Variants in OTOGL observed in about 807,000 individuals in gnomAD.
OTOGL encodes the protein otogelin like.
A neutral mutation model predicts 318.5 loss-of-function variants in OTOGL; 285 were observed. The observed-to-expected ratio is 0.89, with a 90% CI of 0.81 to 0.99. The LOEUF is 0.99. Ranked by LOEUF, OTOGL falls within the 50% of genes least tolerant of loss-of-function variation. The pLI is 0.00. For synonymous variants in OTOGL, 987 were observed against 936.5 expected, an observed-to-expected ratio of 1.05 and a Z score of -0.99; for missense variants, 2,899 against 2,845.6, an observed-to-expected ratio of 1.02 and a Z score of -0.43.
At chr12:80,171,502 C>A (rs1434599148) in intron 1 of OTOGL, among the ~76,000 whole-genome samples, 2 of 152,126 alleles carry the variant, frequency 1.3e-5, no homozygotes, top group African/African-American at 4.8e-5. Context: ...TGTTGGTATT[C>A]TTTTTGATTT....
chr12:80,323,886 A>G, intron 35 of OTOGL, 46 bp downstream of exon 35: 2 of 1,447,740 alleles, frequency 1.4e-6, no homozygotes, highest in African/African-American at 1.4e-5. Context: ...GCCTTAGCAA[A>G]TTCTGTTTTC....
intron 1 of OTOGL, among the ~76,000 whole-genome samples, chr12:80,155,783 C>T (rs1873075656): frequency 6.6e-6 from 1 of 152,156 alleles, no homozygotes; most frequent in South Asian, 2.1e-4. Context: ...ATTTTCTCAG[C>T]CTTTGGTAAC....
chr12:80,222,102 G>C lies in OTOGL; in HGVS notation c.346G>C (p.Gly116Arg). ...CTGTTTCTTTTCAGTCCCAAACATG[G>C]GCAACGGCAGAGATGGGATTTGTAA... ...GTRCQIIPNM[G>R]NGRDGICKTW... The change falls in exon 7 of 59, where the codon GGC becomes CGC. Residue 116 changes from glycine to arginine, a missense_variant. Gly to Arg is a moderately radical substitution (Grantham distance 125, BLOSUM62 -2). Around this residue, in one of 3 missense-constraint regions of OTOGL, gnomAD observed 2,607 missense variants for 2,524.9 expected, o/e 1.03. Coordinates refer to ENST00000547103, the MANE Select transcript of OTOGL (RefSeq NM_001378609.3). 6.3e-7 allele frequency: 1 copy of C among 1,597,728 alleles called. No individual in the cohort carries two copies. The highest frequency in any genetic ancestry group is 8.5e-7 in the Non-Finnish European group (1 of 1,178,884).
At chr12:80,270,694 T>C (rs12301923) in intron 23 of OTOGL, among the ~76,000 whole-genome samples, 20,967 of 152,040 alleles carry the variant, frequency 0.14, 1,902 homozygotes, top group African/African-American at 0.26. Context: ...CTAGTAGCAA[T>C]AAATTTAACA....
In OTOGL at chr12:80,352,392, A is replaced by T. The variant is rs1245431024; in HGVS notation, c.5363A>T (p.Asn1788Ile). ...CTTTCTGCATATGTGGCTCTGTGCA[A>T]CAAGTTTGATATCTGTATTCAGTGG... ...DALSAYVALC[N>I]KFDICIQWRT... is the part of the protein sequence containing the mutation. The change falls in exon 45 of 59, where the codon AAC becomes ATC. Residue 1788 changes from asparagine to isoleucine, a missense_variant. Physicochemically the swap from Asn to Ile is moderately radical, Grantham distance 149. Transcript: ENST00000547103. 1.9e-6 allele frequency: 3 copies of T among 1,612,432 alleles called. No individual in the cohort carries two copies.
At chr12:80,207,303 G>A (rs1876882830) in intron 1 of OTOGL, among the ~76,000 whole-genome samples, 1 of 152,138 alleles carries the variant, frequency 6.6e-6, no homozygotes. Flanking sequence ...CCAGGTTCAA[G>A]TGATTCTCCT....
intron 1 of OTOGL, among the ~76,000 whole-genome samples, chr12:80,142,324 T>C (rs1258638039): frequency 6.6e-6 from 1 of 152,142 alleles, no homozygotes; most frequent in Non-Finnish European, 1.5e-5. Flanking sequence ...GCGGTTATTG[T>C]ACTGGGTGGC....
intron 1 of OTOGL, among the ~76,000 whole-genome samples, chr12:80,160,770 A>G (rs956926638): frequency 1.8e-4 from 28 of 152,320 alleles, no homozygotes; most frequent in African/African-American, 6.3e-4. Flanking sequence ...TATATGAAAA[A>G]GATATTTGCA....
At chr12:80,109,914 A>G (rs974323739) in intron 1 of OTOGL, among the ~76,000 whole-genome samples, 1 of 152,140 alleles carries the variant, frequency 6.6e-6, no homozygotes, top group Non-Finnish European at 1.5e-5. Context: ...ATTCCCTTAC[A>G]CACTCTTATA....
intron 1 of OTOGL, among the ~76,000 whole-genome samples, chr12:80,147,461 A>G (rs1297172007): frequency 6.7e-6 from 1 of 150,184 alleles, no homozygotes; most frequent in Non-Finnish European, 1.5e-5. Flanking sequence ...TGCTGAGGAG[A>G]GCTTTACTTC....
In OTOGL at chr12:80,380,595, T is replaced by C. The variant is rs2138142763; in HGVS notation, c.*2547T>C. On this transcript the variant is annotated 3_prime_UTR_variant, in exon 59 of 59. Coordinates refer to ENST00000547103, the MANE Select transcript of OTOGL (RefSeq NM_001378609.3). ...AAATTCAATTTCTCACCTACCAGACTGGTAAAAAACCAGAAGTTTAATGAT... is the reference window on the plus strand; with the variant it reads ...AAATTCAATTTCTCACCTACCAGACCGGTAAAAAACCAGAAGTTTAATGAT... 1 of 40,514 alleles carries C rather than the reference T, an allele frequency of 2.5e-5. No individual in the cohort carries two copies. Among genetic ancestry groups the C allele is most frequent in the Admixed American group, 2.4e-4 (1 of 4,178 alleles). 2.5% of individuals were successfully genotyped at this position (40,514 alleles called of 1,614,324 possible).
chr12:80,336,163 G>T, intron 39 of OTOGL, 23 bp downstream of exon 39: 3 of 1,524,276 alleles, frequency 2.0e-6, no homozygotes, highest in East Asian at 2.3e-5. Context: ...TTCTTAAGCG[G>T]TGATCTTTTT....
chr12:80,331,976 C>T (rs1244388908), intron 37 of OTOGL, among the ~76,000 whole-genome samples: 3 of 152,018 alleles, frequency 2.0e-5, no homozygotes, highest in Admixed American at 6.6e-5. Context: ...TTGAAGATTT[C>T]GTGCTGTGGT....
chr12:80,256,384 T>G lies in OTOGL; in HGVS notation c.1635T>G (p.Asp545Glu). 1 of 1,595,826 alleles carries G rather than the reference T, an allele frequency of 6.3e-7. No homozygotes were observed. The highest frequency in any genetic ancestry group is 1.3e-5 in the African/African-American group (1 of 74,906). Reference sequence around the variant, plus strand: ...AGTCTATAACTCTGATTCTGGAGGATGATTTTAACAAACAAGTGACCCTTG... The same window carrying G: ...AGTCTATAACTCTGATTCTGGAGGAGGATTTTAACAAACAAGTGACCCTTG... ...CLQSITLILE[D>E]DFNKQVTLGR... Residue 545 changes from aspartate (D) to glutamate (E), a missense_variant, in exon 17 of 59, where the codon GAT (aspartate) becomes GAG (glutamate). Physicochemically the swap from Asp to Glu is conservative, Grantham distance 45. Transcript: ENST00000547103.
At chr12:80,331,539 C>G (rs1236499666) in intron 37 of OTOGL, among the ~76,000 whole-genome samples, 1 of 151,764 alleles carries the variant, frequency 6.6e-6, no homozygotes, top group Non-Finnish European at 1.5e-5. Context: ...GGGGTTTCGC[C>G]ATGTTGGCCA....
intron 26 of OTOGL, among the ~76,000 whole-genome samples, chr12:80,290,949 A>G (rs1885003019): frequency 6.6e-6 from 1 of 152,140 alleles, no homozygotes; most frequent in African/African-American, 2.4e-5. Context: ...TTTCTAAGTC[A>G]TTTTGCAGAA....
chr12:80,148,020 CTG>C (rs1310767315), intron 1 of OTOGL, among the ~76,000 whole-genome samples: 2 of 152,114 alleles, frequency 1.3e-5, no homozygotes, highest in Non-Finnish European at 2.9e-5. Flanking sequence ...ATTTCCCAGT[CTG>C]TGTCTTAATT....
At chr12:80,107,535 G>C (rs2137073154) in intron 1 of OTOGL, among the ~76,000 whole-genome samples, 1 of 152,292 alleles carries the variant, frequency 6.6e-6, no homozygotes, top group South Asian at 2.1e-4. Flanking sequence ...GTAGAAAGCA[G>C]TGTGGTGGTT....
At chr12:80,146,081 C>T (rs1208088279) in intron 1 of OTOGL, among the ~76,000 whole-genome samples, 1 of 150,776 alleles carries the variant, frequency 6.6e-6, no homozygotes. Context: ...CTGGCCAGAA[C>T]TTCCAACACC....
Sources: gnomAD v4.1 joint callset for allele counts (sites outside exome capture counted in the v4.1 genomes callset) on GRCh38, gnomAD v4.1.1 for gene constraint, gnomAD v4.1.1 regional missense constraint, MANE v1.5 for transcripts, NCBI Gene and HGNC (gene_info 2026-07-23, HGNC 2026-07-21) for gene names.